NRIP1: variants seen among roughly 807,000 people sequenced by gnomAD.
NRIP1 encodes nuclear receptor interacting protein 1, also known as nuclear receptor-interacting protein 1.
NRIP1 carries 28 observed loss-of-function variants against 75.0 expected under a neutral mutation model. The observed-to-expected ratio is 0.37, with a 90% CI of 0.28 to 0.51. The LOEUF is 0.51. NRIP1 is among the 20% of genes least tolerant of loss of function. NRIP1 has a pLI of 0.92. For missense variants in NRIP1, 1,435 were observed against 1,343.7 expected (o/e 1.07, Z -1.06); for synonymous variants, 526 against 487.6 (o/e 1.08, Z -1.04).
chr21:15,059,790 T>C (rs1208202238), intron 1 of NRIP1, among the ~76,000 whole-genome samples: 1 of 152,112 alleles, frequency 6.6e-6, no homozygotes, highest in Non-Finnish European at 1.5e-5. Flanking sequence ...CAAAGAGTGT[T>C]TTCTTCCTCT....
chr21:14,967,861 T>C lies in NRIP1; in HGVS notation c.332A>G (p.Lys111Arg), dbSNP rs2086798863. 3.1e-6 allele frequency: 5 copies of C among 1,614,088 alleles called. No homozygotes were observed. In the East Asian group the frequency reaches 1.1e-4, roughly 36 times the overall value. Residue 111 changes from lysine to arginine, a missense_variant, in exon 4 of 4, where the codon AAG becomes AGG. Lys to Arg is a conservative substitution (Grantham distance 26, BLOSUM62 2). Coordinates refer to ENST00000318948, the MANE Select transcript of NRIP1 (RefSeq NM_003489.4). ...CATGCCAGCTAGCAAAGCTTCCTTC[T>C]TTACGTTTAAATTCATGATAGAATC... ...LSDSIMNLNV[K>R]KEALLAGMVD...
chr21:14,967,146 T>G lies in NRIP1; in HGVS notation c.1047A>C (p.Pro349=). Residue 349 remains proline, a synonymous_variant, in exon 4 of 4, where the codon CCA becomes CCC. Coordinates refer to ENST00000318948, the MANE Select transcript of NRIP1 (RefSeq NM_003489.4). ...SKSSATVFQN[P]MGIIPSSPKN... ...TAGGGGAAGAAGGAATGATACCCAT[T>G]GGATTTTGAAACACTGTAGCACTAC... The G allele has an allele frequency of 6.2e-7, 1 of 1,614,122 alleles. No homozygotes were observed. Among genetic ancestry groups the G allele is most frequent in the Non-Finnish European group, 8.5e-7 (1 of 1,180,004 alleles).
intron 1 of NRIP1, chr21:15,051,768 C>G (rs1306038631): frequency 6.6e-6 from 1 of 152,170 alleles, no homozygotes; most frequent in East Asian, 1.9e-4. Flanking sequence ...GCTTTTTTAA[C>G]CTCTAAAACA....
chr21:14,989,782 A>ATG (rs2087517738), intron 3 of NRIP1, among the ~76,000 whole-genome samples: 1 of 152,098 alleles, frequency 6.6e-6, no homozygotes, highest in East Asian at 1.9e-4. Context: ...TATATAGTCT[A>ATG]TGTGTGTGTG....
At chr21:15,048,088 G>A (rs149109899) in intron 1 of NRIP1, among the ~76,000 whole-genome samples, 3 of 152,262 alleles carry the variant, frequency 2.0e-5, no homozygotes, top group South Asian at 2.1e-4. Flanking sequence ...GAACAAGTTC[G>A]CCGGCTGATA....
At chr21:15,036,158 T>C (rs1409834116) in intron 2 of NRIP1, among the ~76,000 whole-genome samples, 1 of 152,212 alleles carries the variant, frequency 6.6e-6, no homozygotes, top group African/African-American at 2.4e-5. Context: ...AATATTTTTT[T>C]AACCTACACT....
intron 2 of NRIP1, among the ~76,000 whole-genome samples, chr21:15,035,691 G>A (rs972448347): frequency 2.0e-5 from 3 of 151,824 alleles, no homozygotes; most frequent in African/African-American, 7.3e-5. Context: ...TGAGTAGCTG[G>A]GATTACAGTT....
Position 14,965,079 on chromosome 21 carries a change from C to T in NRIP1, c.3114G>A (p.Glu1038=). Residue 1038 remains glutamate, a synonymous_variant, in exon 4 of 4, where the codon GAG becomes GAA. Transcript: ENST00000318948. ...TGATAACCCACTTAATGGGTCCTTT[C>T]TCACTGGGCATGGAACACCCATTCA... ...GLLNGCSMPS[E]KGPIKWVITD... The T allele has an allele frequency of 3.7e-6, 6 of 1,613,720 alleles. No homozygotes were observed. The highest frequency in any genetic ancestry group is 5.1e-6 in the Non-Finnish European group (6 of 1,179,910).
intron 3 of NRIP1, among the ~76,000 whole-genome samples, chr21:15,009,878 TA>T (rs1026603741): frequency 1.3e-5 from 2 of 151,946 alleles, no homozygotes; most frequent in East Asian, 1.9e-4. Flanking sequence ...AGTGAGTTAC[TA>T]AAAAAAATAA....
chr21:14,977,455 A>C lies in NRIP1; in HGVS notation c.-334-8929T>G, dbSNP rs779914673. Among the ~76,000 whole-genome samples the C allele has an allele frequency of 3.3e-5, 5 of 152,340 alleles. No homozygotes were observed. The South Asian group carries it at 1.0e-3, about 32-fold the overall frequency. On this transcript the variant is annotated intron_variant, in intron 3 of 3. Transcript: ENST00000318948. The stretch of plus-strand genomic sequence containing the variant: ...AGCTTTCCAAACCAAGGGCCAATGA[A>C]AAGTTAAAATACGTAAAACCCAACA...
In NRIP1 at chr21:15,007,758, G is replaced by GA. The variant is rs368191508; in HGVS notation, c.-335+6585dup. On this transcript the variant is annotated intron_variant, in intron 3 of 3. Transcript: ENST00000318948. ...TAAGAGTTCTATCCAACGCTAATGAGAAAAAAAATTAACTCAGCAAACATT... is the reference window on the plus strand; with the variant it reads ...TAAGAGTTCTATCCAACGCTAATGAGAAAAAAAAATTAACTCAGCAAACATT... Among the ~76,000 whole-genome samples, 201 of 151,920 alleles carry GA rather than the reference G, an allele frequency of 1.3e-3. 1 individual carries two copies. Among genetic ancestry groups the GA allele is most frequent in the African/African-American group, 4.7e-3 (195 of 41,440 alleles).
At chr21:14,975,856 A>G (rs1047571371) in intron 3 of NRIP1, among the ~76,000 whole-genome samples, 5 of 152,134 alleles carry the variant, frequency 3.3e-5, no homozygotes, top group Non-Finnish European at 5.9e-5. Context: ...CAAAATACTT[A>G]AAGATACAGA....
rs1341575649 is a variant in NRIP1, at chr21:14,961,810, A to G, written c.*2906T>C. ...TTTGTCCAGACTTGCAACTGTATAC[A>G]TACATGCACAACTTTTAAACCTGTC... On this transcript the variant is annotated 3_prime_UTR_variant, in exon 4 of 4. Transcript: ENST00000318948. 2 of 152,246 alleles carry G rather than the reference A, an allele frequency of 1.3e-5. No homozygotes were observed. The highest frequency in any genetic ancestry group is 4.8e-5 in the African/African-American group (2 of 41,390). 9.4% of individuals were successfully genotyped at this position (152,246 alleles called of 1,614,324 possible).
intron 3 of NRIP1, among the ~76,000 whole-genome samples, chr21:14,991,952 A>G (rs1193646662): frequency 1.3e-5 from 2 of 152,282 alleles, no homozygotes; most frequent in East Asian, 3.9e-4. Context: ...CGTTCCTTTC[A>G]TCTTTTTTTT....
At chr21:15,005,764 G>A (rs1156658555) in intron 3 of NRIP1, among the ~76,000 whole-genome samples, 7 of 152,170 alleles carry the variant, frequency 4.6e-5, no homozygotes, top group Admixed American at 1.3e-4. Flanking sequence ...ATTCTGGAGA[G>A]AGGGTTTACC....
chr21:15,045,563 C>T (rs906002909), intron 1 of NRIP1, among the ~76,000 whole-genome samples: 1 of 152,182 alleles, frequency 6.6e-6, no homozygotes, highest in African/African-American at 2.4e-5. Flanking sequence ...TTGATGGCTG[C>T]CAAATGATCA....
At chr21:15,017,215 TATTATC>T (rs771572355) in intron 2 of NRIP1, among the ~76,000 whole-genome samples, 10 of 152,160 alleles carry the variant, frequency 6.6e-5, no homozygotes, top group Non-Finnish European at 1.3e-4. Flanking sequence ...GGAACATTAC[TATTATC>T]ATTATTATTT....
intron 1 of NRIP1, among the ~76,000 whole-genome samples, chr21:15,047,416 T>C (rs372399221): frequency 3.3e-4 from 50 of 152,282 alleles, no homozygotes; most frequent in African/African-American, 1.0e-3. Flanking sequence ...GGCGGGCGCC[T>C]GTGGTCCCAG....
intron 2 of NRIP1, among the ~76,000 whole-genome samples, chr21:15,017,304 C>T (rs748093568): frequency 2.0e-5 from 3 of 152,006 alleles, no homozygotes; most frequent in Non-Finnish European, 4.4e-5. Context: ...ATGATCCTCC[C>T]GACTCAACCT....
Sources: gnomAD v4.1 joint callset for allele counts (sites outside exome capture counted in the v4.1 genomes callset) on GRCh38, gnomAD v4.1.1 for gene constraint, MANE v1.5 for transcripts, NCBI Gene and HGNC (gene_info 2026-07-23, HGNC 2026-07-21) for gene names.